The following SYCP2 variants were observed in gnomAD, a reference collection of about 807,000 sequenced individuals.
The protein encoded by SYCP2 is synaptonemal complex lateral element protein.
Under a neutral mutation model 211.3 loss-of-function variants are expected in SYCP2, and 55 were observed. The observed-to-expected ratio is 0.26, with a 90% CI of 0.21 to 0.33. The LOEUF (loss-of-function observed/expected upper bound fraction) is 0.33. SYCP2 is among the 10% of genes least tolerant of loss of function. The probability of loss-of-function intolerance (pLI) is 1.00; values close to 1 mark genes in which losing one functional copy is unlikely to be tolerated. For missense variants in SYCP2, 1,731 were observed against 1,752.0 expected (o/e 0.99, Z 0.21); for synonymous variants, 570 against 555.2 (o/e 1.03, Z -0.37).
intron 14 of SYCP2, among the ~76,000 whole-genome samples, chr20:59,908,694 C>G (rs1884437290): frequency 6.6e-6 from 1 of 151,868 alleles, no homozygotes; most frequent in African/African-American, 2.4e-5. Context: ...TATTATAAAC[C>G]CAAAATATGC....
rs770542530 is a variant in SYCP2 at position 59,922,427 on chromosome 20, A to T, written c.-14T>A. 5.4e-4 allele frequency: 89 copies of T among 163,720 alleles called. No individual in the cohort carries two copies. The highest frequency in any genetic ancestry group is 1.7e-3 in the South Asian group (9 of 5,366). 10.1% of individuals were successfully genotyped at this position (163,720 alleles called of 1,614,324 possible). A position where few individuals can be genotyped will look rare whatever the true frequency, so the allele number is the denominator to read the frequency against. On this transcript the variant is annotated 5_prime_UTR_variant, in exon 3 of 45. Coordinates refer to ENST00000357552, the MANE Select transcript of SYCP2 (RefSeq NM_014258.4). The stretch of plus-strand genomic sequence containing the variant: ...TCTTATTGGCATTTTGACTTCATTT[A>T]AAAAAAAAAAAAAAGCAAGACAAAA...
intron 7 of SYCP2, among the ~76,000 whole-genome samples, chr20:59,917,604 G>A (rs1028195174): frequency 2.0e-5 from 3 of 151,910 alleles, no homozygotes; most frequent in Non-Finnish European, 4.4e-5. Flanking sequence ...AATCAACGAA[G>A]AGGTAGGATT....
intron 20 of SYCP2, among the ~76,000 whole-genome samples, chr20:59,894,267 C>G (rs569285363): frequency 6.6e-6 from 1 of 152,078 alleles, no homozygotes; most frequent in East Asian, 1.9e-4. Flanking sequence ...TGGAAATATG[C>G]AGGTGTGGTT....
chr20:59,900,363 C>T (rs1568952318), intron 17 of SYCP2, 79 bp from the exon 18 acceptor site: 4 of 1,220,922 alleles, frequency 3.3e-6, no homozygotes, highest in Non-Finnish European at 3.4e-6. Context: ...ATGTCTTAAG[C>T]TCCTACTCAT....
At chr20:59,875,756 C>A (rs866015495) in intron 33 of SYCP2, among the ~76,000 whole-genome samples, 2 of 152,018 alleles carry the variant, frequency 1.3e-5, no homozygotes, top group Middle Eastern at 3.4e-3. Context: ...AGAAAGCATT[C>A]CTAAATTTCA....
intron 25 of SYCP2, among the ~76,000 whole-genome samples, chr20:59,886,499 A>T (rs931495144): frequency 1.3e-5 from 2 of 152,044 alleles, no homozygotes; most frequent in Non-Finnish European, 2.9e-5. Flanking sequence ...TATAAAATGT[A>T]ACTAGACAAT....
At chr20:59,881,085 C>T (rs2145673271) in intron 29 of SYCP2, 62 bp from the exon 30 acceptor site, 1 of 931,826 alleles carries the variant, frequency 1.1e-6, no homozygotes, top group Non-Finnish European at 1.6e-6. Flanking sequence ...TAAGGTAATA[C>T]ACAATGGACA....
At chr20:59,918,227 G>A (rs2060478883) in intron 7 of SYCP2, among the ~76,000 whole-genome samples, 1 of 152,180 alleles carries the variant, frequency 6.6e-6, no homozygotes, top group Non-Finnish European at 1.5e-5. Flanking sequence ...CTGCAGAGTT[G>A]ACAATGTTTC....
At chr20:59,929,375 A>G (rs1405382167) in intron 2 of SYCP2, among the ~76,000 whole-genome samples, 3 of 152,208 alleles carry the variant, frequency 2.0e-5, no homozygotes, top group African/African-American at 7.2e-5. Flanking sequence ...CTTGAATACC[A>G]TATGACACAG....
chr20:59,911,382 C>T (rs1184329617), intron 14 of SYCP2, among the ~76,000 whole-genome samples: 1 of 152,194 alleles, frequency 6.6e-6, no homozygotes, highest in Non-Finnish European at 1.5e-5. Context: ...CCACTTGTCA[C>T]TGTCTGTTAA....
chr20:59,885,245 G>A (rs1228288353), intron 26 of SYCP2: 2 of 152,052 alleles, frequency 1.3e-5, no homozygotes. Context: ...AAAGGTTTCT[G>A]AACAAGTAAG....
chr20:59,903,136 A>G (rs935850355), intron 15 of SYCP2, among the ~76,000 whole-genome samples: 1 of 151,974 alleles, frequency 6.6e-6, no homozygotes, highest in Non-Finnish European at 1.5e-5. Flanking sequence ...GGCTACTTAC[A>G]TAGAAATTTA....
intron 14 of SYCP2, among the ~76,000 whole-genome samples, chr20:59,907,976 G>A (rs559319176): frequency 3.3e-5 from 5 of 152,314 alleles, no homozygotes; most frequent in African/African-American, 1.2e-4. Flanking sequence ...GCCAGGCACG[G>A]TGGCTCACGC....
chr20:59,912,393 C>A lies in SYCP2; in HGVS notation c.856G>T (p.Ala286Ser). ...TTTACCTCATATTTATCAAGAAATG[C>A]TGATAAACAAGGAAATGTAAAGACC... is the stretch of plus-strand genomic sequence containing the variant. Reference protein sequence around the residue: ...RRVFTFPCLSAFLDKYELQIP... With the variant: ...RRVFTFPCLSSFLDKYELQIP... The change falls in exon 13 of 45, where the codon GCA becomes TCA. Residue 286 changes from alanine (A) to serine (S), a missense_variant. By Grantham distance (99) the Ala-to-Ser change is moderately conservative (BLOSUM62 1). Around this residue, in one of 3 missense-constraint regions of SYCP2, gnomAD observed 335 missense variants for 378.8 expected, o/e 0.88. Transcript: ENST00000357552. 1 of 1,077,354 alleles carries A rather than the reference C, an allele frequency of 9.3e-7. No individual in the cohort carries two copies. Among genetic ancestry groups the A allele is most frequent in the Non-Finnish European group, 1.3e-6 (1 of 749,684 alleles). 66.7% of individuals were successfully genotyped at this position (1,077,354 alleles called of 1,614,324 possible).
intron 1 of SYCP2, among the ~76,000 whole-genome samples, chr20:59,932,535 C>T (rs1315722534): frequency 1.3e-5 from 2 of 152,028 alleles, no homozygotes; most frequent in East Asian, 3.9e-4. Flanking sequence ...ATTAGCTGGG[C>T]GTGGTGGCGC....
chr20:59,920,517 T>C (rs748299615), intron 4 of SYCP2, 30 bp from the exon 5 acceptor site: 1 of 1,521,648 alleles, frequency 6.6e-7, no homozygotes, highest in African/African-American at 1.4e-5. Context: ...TTAAAATTTC[T>C]GTAAACACAA....
chr20:59,908,021 C>A (rs548272808), intron 14 of SYCP2, among the ~76,000 whole-genome samples: 3 of 152,168 alleles, frequency 2.0e-5, no homozygotes, highest in Non-Finnish European at 2.9e-5. Flanking sequence ...CCAAGGCAGG[C>A]GGATCACGAG....
chr20:59,901,712 G>T lies in SYCP2; in HGVS notation c.1132C>A (p.Leu378Ile), dbSNP rs770990537. The T allele has an allele frequency of 1.2e-6, 2 of 1,604,838 alleles. No homozygotes were observed. The highest frequency in any genetic ancestry group is 1.1e-5 in the South Asian group (1 of 89,608). The change falls in exon 16 of 45, where the codon CTA becomes ATA. Residue 378 changes from leucine to isoleucine, a missense_variant. Leu to Ile is a conservative substitution (Grantham distance 5). Transcript: ENST00000357552. Reference sequence around the variant, plus strand: ...TTTTGAGTTACATTAGTGATTTCTAGTGATGCGTCAAAATACAAAAGCAAT... The same window carrying T: ...TTTTGAGTTACATTAGTGATTTCTATTGATGCGTCAAAATACAAAAGCAAT... ...KELLLYFDAS[L>I]EITNVTQKIF...
chr20:59,920,547 T>C, intron 4 of SYCP2, 60 bp from the exon 5 acceptor site: 2 of 1,333,450 alleles, frequency 1.5e-6, no homozygotes, highest in Non-Finnish European at 2.1e-6. Flanking sequence ...AAATAGACAT[T>C]GTACAAGGAG....
Sources: gnomAD v4.1 joint callset for allele counts (sites outside exome capture counted in the v4.1 genomes callset) on GRCh38, gnomAD v4.1.1 for gene constraint, gnomAD v4.1.1 regional missense constraint, MANE v1.5 for transcripts, NCBI Gene and HGNC (gene_info 2026-07-23, HGNC 2026-07-21) for gene names.